The following CACNB2 variants were observed in gnomAD, a reference collection of about 807,000 sequenced individuals.
CACNB2 encodes the protein calcium voltage-gated channel auxiliary subunit beta 2.
A neutral mutation model predicts 73.3 loss-of-function variants in CACNB2; 42 were observed. The observed-to-expected ratio is 0.57, with a 90% CI of 0.45 to 0.74. The LOEUF is 0.74. CACNB2 is among the 30% of genes least tolerant of loss of function. The pLI, the probability that CACNB2 is intolerant of heterozygous loss-of-function variation, is 0.00. For synonymous variants in CACNB2, 348 were observed against 310.3 expected (o/e 1.12, Z -1.28); for missense variants, 940 against 853.0 (o/e 1.10, Z -1.27).
chr10:18,455,001 C>T (rs2047205689), intron 3 of CACNB2, among the ~76,000 whole-genome samples: 1 of 149,800 alleles, frequency 6.7e-6, no homozygotes, highest in Admixed American at 6.7e-5. Flanking sequence ...ATGACTGTGC[C>T]ACTGCAGCCT....
At chr10:18,252,974 A>C (rs2037146358) in intron 2 of CACNB2, among the ~76,000 whole-genome samples, 1 of 152,214 alleles carries the variant, frequency 6.6e-6, no homozygotes. Flanking sequence ...ATTAATTTTC[A>C]CCTTTCAAAG....
At chr10:18,358,694 G>T (rs1485814284) in intron 2 of CACNB2, among the ~76,000 whole-genome samples, 1 of 152,060 alleles carries the variant, frequency 6.6e-6, no homozygotes, top group Non-Finnish European at 1.5e-5. Flanking sequence ...GAGCAATAGA[G>T]TATGATAGAC....
chr10:18,212,777 A>G (rs1463794195), intron 2 of CACNB2, among the ~76,000 whole-genome samples: 1 of 152,244 alleles, frequency 6.6e-6, no homozygotes, highest in Admixed American at 6.5e-5. Flanking sequence ...TCAGAATTAA[A>G]CATAAATCAG....
At chr10:18,244,960 TTGCAGTTGC>T (rs1438466372) in intron 2 of CACNB2, among the ~76,000 whole-genome samples, 1 of 152,104 alleles carries the variant, frequency 6.6e-6, no homozygotes, top group African/African-American at 2.4e-5. Context: ...CAGAAGGAAA[TTGCAGTTGC>T]TGTCTTTGAA....
chr10:18,163,110 G>A (rs1468224412), intron 2 of CACNB2, among the ~76,000 whole-genome samples: 4 of 152,032 alleles, frequency 2.6e-5, no homozygotes, highest in African/African-American at 4.8e-5. Flanking sequence ...TCGAAGAGTT[G>A]GAAAATCAAG....
chr10:18,275,202 G>A (rs1341952689), intron 2 of CACNB2, among the ~76,000 whole-genome samples: 4 of 152,190 alleles, frequency 2.6e-5, no homozygotes, highest in Non-Finnish European at 5.9e-5. Flanking sequence ...AGTTCCTACA[G>A]ATACCCCTGT....
chr10:18,475,367 C>A (rs1170665370), intron 3 of CACNB2, among the ~76,000 whole-genome samples: 1 of 152,106 alleles, frequency 6.6e-6, no homozygotes, highest in Non-Finnish European at 1.5e-5. Context: ...CGGTTGGTTC[C>A]TCTGGCACCC....
At chr10:18,519,470 C>T (rs1349216067) in intron 9 of CACNB2, among the ~76,000 whole-genome samples, 2 of 152,162 alleles carry the variant, frequency 1.3e-5, no homozygotes, top group African/African-American at 4.8e-5. Context: ...TGTTTGCCTG[C>T]ATGCTCTGCT....
intron 2 of CACNB2, among the ~76,000 whole-genome samples, chr10:18,205,047 A>C (rs888810600): frequency 3.4e-5 from 5 of 148,958 alleles, no homozygotes; most frequent in African/African-American, 1.2e-4. Context: ...ATGTTTATAC[A>C]TTTGTAGATG....
At chr10:18,295,670 T>A (rs1196061085) in intron 2 of CACNB2, among the ~76,000 whole-genome samples, 2 of 152,212 alleles carry the variant, frequency 1.3e-5, no homozygotes, top group Non-Finnish European at 2.9e-5. Context: ...GTGACTTAGG[T>A]TCACATAACA....
At chr10:18,275,335 G>A (rs1276390520) in intron 2 of CACNB2, among the ~76,000 whole-genome samples, 1 of 152,152 alleles carries the variant, frequency 6.6e-6, no homozygotes, top group Non-Finnish European at 1.5e-5. Flanking sequence ...TCCTGTTAAT[G>A]CCAAACTTCT....
intron 2 of CACNB2, among the ~76,000 whole-genome samples, chr10:18,357,991 T>C (rs2041991328): frequency 6.6e-6 from 1 of 152,056 alleles, no homozygotes; most frequent in Non-Finnish European, 1.5e-5. Flanking sequence ...ATCCAGCACA[T>C]CATTGTCGCA....
At chr10:18,356,826 C>T (rs1399687405) in intron 2 of CACNB2, among the ~76,000 whole-genome samples, 2 of 151,818 alleles carry the variant, frequency 1.3e-5, no homozygotes, top group Non-Finnish European at 2.9e-5. Context: ...GGTGAGGTTT[C>T]CCCATGTTGC....
chr10:18,519,281 C>A (rs1288108868), intron 9 of CACNB2, among the ~76,000 whole-genome samples: 1 of 152,192 alleles, frequency 6.6e-6, no homozygotes. Flanking sequence ...CTAAATATCC[C>A]TCTTCCATTC....
chr10:18,405,594 G>A (rs900831516), intron 3 of CACNB2, among the ~76,000 whole-genome samples: 1 of 152,066 alleles, frequency 6.6e-6, no homozygotes, highest in Non-Finnish European at 1.5e-5. Flanking sequence ...CCTCAAAAAC[G>A]ATGCCTTCTG....
intron 3 of CACNB2, among the ~76,000 whole-genome samples, chr10:18,408,231 CTTTTTTT>C (rs71402161): frequency 1.3e-5 from 1 of 77,952 alleles, no homozygotes; most frequent in Admixed American, 1.8e-4. Flanking sequence ...CTATCCCTGA[CTTTTTTT>C]TTTTTTTTTT....
intron 2 of CACNB2, among the ~76,000 whole-genome samples, chr10:18,301,486 T>C (rs1393312358): frequency 6.6e-6 from 1 of 151,728 alleles, no homozygotes; most frequent in Non-Finnish European, 1.5e-5. Context: ...TCCCAGCTAC[T>C]CAGGAGGCTG....
At chr10:18,285,280 G>C (rs1443117301) in intron 2 of CACNB2, among the ~76,000 whole-genome samples, 1 of 152,194 alleles carries the variant, frequency 6.6e-6, no homozygotes, top group African/African-American at 2.4e-5. Context: ...GACTTTCAAG[G>C]TTAGGTGAGA....
At chr10:18,333,225 G>T (rs952955885) in intron 2 of CACNB2, among the ~76,000 whole-genome samples, 1 of 152,106 alleles carries the variant, frequency 6.6e-6, no homozygotes, top group Admixed American at 6.5e-5. Context: ...CTCAAAAAAG[G>T]CTCATTTATT....
Sources: gnomAD v4.1 joint callset for allele counts (sites outside exome capture counted in the v4.1 genomes callset) on GRCh38, gnomAD v4.1.1 for gene constraint, MANE v1.5 for transcripts, NCBI Gene and HGNC (gene_info 2026-07-23, HGNC 2026-07-21) for gene names.